The following SIPA1L1 variants were observed in gnomAD, a reference collection of about 807,000 sequenced individuals.
SIPA1L1 encodes signal induced proliferation associated 1 like 1.
SIPA1L1 carries 26 observed loss-of-function variants against 162.7 expected under a neutral mutation model. The ratio of observed to expected loss-of-function variants is 0.16; its 90% CI spans 0.12 to 0.22. The LOEUF (loss-of-function observed/expected upper bound fraction) is 0.22. Among genes scored for constraint, SIPA1L1 ranks in the 10% least tolerant of loss-of-function variants. SIPA1L1 has a pLI of 1.00. For missense variants in SIPA1L1, 1,874 were observed against 2,241.0 expected (o/e 0.84, Z 3.31); for synonymous variants, 829 against 837.4 (o/e 0.99, Z 0.17).
chr14:71,324,308 A>G (rs1237332147), intron 2 of SIPA1L1, among the ~76,000 whole-genome samples: 1 of 152,164 alleles, frequency 6.6e-6, no homozygotes, highest in Non-Finnish European at 1.5e-5. Context: ...AGTTGAAGTG[A>G]TTTGTTGAAG....
intron 5 of SIPA1L1, among the ~76,000 whole-genome samples, chr14:71,601,516 C>T (rs182567168): frequency 5.5e-4 from 84 of 152,208 alleles, no homozygotes; most frequent in African/African-American, 1.8e-3. Flanking sequence ...AACATTTTTG[C>T]ATGTATGTTC....
intron 5 of SIPA1L1, among the ~76,000 whole-genome samples, chr14:71,614,961 TTTTG>T (rs1197077443): frequency 1.3e-5 from 2 of 152,184 alleles, no homozygotes; most frequent in African/African-American, 4.8e-5. Context: ...ATGTTTCTAT[TTTTG>T]TTCTTGAGAT....
intron 2 of SIPA1L1, among the ~76,000 whole-genome samples, chr14:71,357,064 A>G (rs930767705): frequency 1.3e-5 from 2 of 152,112 alleles, no homozygotes; most frequent in Non-Finnish European, 2.9e-5. Flanking sequence ...AAAAAATTTT[A>G]TGTGTTAGAG....
Position 71,705,323 on chromosome 14 carries a change from C to T in SIPA1L1, c.3748C>T (p.Pro1250Ser). The part of the protein sequence containing the change: ...MRQDPVVHLS[P>S]NKQGHSDSHY... ...GCAGGATCCAGTGGTTCATTTGTCT[C>T]CAAACAAACAAGGGCATGTAAGTTA... Residue 1250 changes from proline to serine, a missense_variant, in exon 16 of 24, where the codon CCA becomes TCA. Transcript: ENST00000381232. 6.2e-7 allele frequency: 1 copy of T among 1,613,332 alleles called. No homozygotes were observed. Among genetic ancestry groups the T allele is most frequent in the Non-Finnish European group, 8.5e-7 (1 of 1,179,300 alleles).
intron 4 of SIPA1L1, among the ~76,000 whole-genome samples, chr14:71,582,996 A>G (rs2147364681): frequency 6.6e-6 from 1 of 152,360 alleles, no homozygotes; most frequent in African/African-American, 2.4e-5. Context: ...GAAGGGATGT[A>G]AAGAAAATAG....
At chr14:71,645,009 G>T (rs369461876) in intron 7 of SIPA1L1, among the ~76,000 whole-genome samples, 2 of 152,132 alleles carry the variant, frequency 1.3e-5, no homozygotes, top group African/African-American at 4.8e-5. Flanking sequence ...TTAAATATTG[G>T]TGTCACTGGG....
chr14:71,649,891 C>A (rs1170263141), intron 7 of SIPA1L1, among the ~76,000 whole-genome samples: 1 of 151,934 alleles, frequency 6.6e-6, no homozygotes, highest in East Asian at 1.9e-4. Flanking sequence ...ATTAGTGGAC[C>A]TTTTAGTGCA....
Position 71,377,462 on chromosome 14 carries a change from G to A in SIPA1L1, c.-465+56281G>A, listed in dbSNP as rs952469967. The stretch of plus-strand genomic sequence containing the variant: ...ATGCTCCTCACTTCCCAGACTGGGC[G>A]GCCAGGCAGAGACGCTCCTCACTTC... On this transcript the variant is annotated intron_variant, in intron 2 of 23. Transcript: ENST00000381232. This position sits in a 1 kb window ranked among gnomAD's most constrained non-coding sequence, Gnocchi z 4.8. 3.3e-5 allele frequency among the ~76,000 whole-genome samples: 5 copies of A among 151,432 alleles called. No individual in the cohort carries two copies. The highest frequency in any genetic ancestry group is 7.4e-5 in the Non-Finnish European group (5 of 67,802).
intron 5 of SIPA1L1, among the ~76,000 whole-genome samples, chr14:71,591,609 C>T (rs2035404169): frequency 6.6e-6 from 1 of 152,166 alleles, no homozygotes; most frequent in South Asian, 2.1e-4. Context: ...AAAATATCAA[C>T]TCAAGCAGGG....
intron 4 of SIPA1L1, among the ~76,000 whole-genome samples, chr14:71,567,063 C>A (rs1214721434): frequency 6.6e-6 from 1 of 152,104 alleles, no homozygotes; most frequent in Non-Finnish European, 1.5e-5. Flanking sequence ...TCAGGGAAAG[C>A]CTAATGAAAG....
chr14:71,507,209 G>A (rs1396544752), intron 2 of SIPA1L1, among the ~76,000 whole-genome samples: 3 of 152,038 alleles, frequency 2.0e-5, no homozygotes, highest in African/African-American at 7.2e-5. Context: ...GATCATTTTT[G>A]TTAATATGAC....
intron 3 of SIPA1L1, among the ~76,000 whole-genome samples, chr14:71,525,572 C>T (rs990949127): frequency 1.3e-5 from 2 of 152,154 alleles, no homozygotes; most frequent in East Asian, 1.9e-4. Flanking sequence ...TACAATAGAA[C>T]GTAAATCCTC....
intron 2 of SIPA1L1, among the ~76,000 whole-genome samples, chr14:71,408,682 C>CCTTT (rs1282237670): frequency 6.6e-6 from 1 of 152,152 alleles, no homozygotes; most frequent in African/African-American, 2.4e-5. Flanking sequence ...ACTACACTTG[C>CCTTT]CTTTACTCAA....
At chr14:71,402,748 A>T (rs1381565502) in intron 2 of SIPA1L1, among the ~76,000 whole-genome samples, 1 of 152,212 alleles carries the variant, frequency 6.6e-6, no homozygotes, top group African/African-American at 2.4e-5. Context: ...TGATGTAAAG[A>T]ATATGTGCCT....
chr14:71,578,851 G>C (rs1371934360), intron 4 of SIPA1L1, among the ~76,000 whole-genome samples: 1 of 152,132 alleles, frequency 6.6e-6, no homozygotes, highest in East Asian at 1.9e-4. Context: ...ACTTCATATG[G>C]GTCCCATGGT....
At chr14:71,685,678 G>A in intron 13 of SIPA1L1, 47 bp downstream of exon 13, 1 of 1,604,886 alleles carries the variant, frequency 6.2e-7, no homozygotes, top group Non-Finnish European at 8.5e-7. Flanking sequence ...TGCCCCAAAT[G>A]TAAGTAACAC....
intron 2 of SIPA1L1, among the ~76,000 whole-genome samples, chr14:71,348,478 C>G (rs1422999465): frequency 6.6e-6 from 1 of 152,134 alleles, no homozygotes; most frequent in Non-Finnish European, 1.5e-5. Flanking sequence ...ATATCCAACT[C>G]TTTATACTGT....
intron 12 of SIPA1L1, among the ~76,000 whole-genome samples, chr14:71,676,022 C>T (rs540584370): frequency 4.0e-5 from 6 of 148,418 alleles, no homozygotes; most frequent in East Asian, 2.0e-4. Context: ...TTTGGGAGGC[C>T]GAGGCTGGTG....
chr14:71,725,293 G>C (rs1453911141), intron 19 of SIPA1L1, among the ~76,000 whole-genome samples: 4 of 152,096 alleles, frequency 2.6e-5, no homozygotes, highest in Non-Finnish European at 5.9e-5. Flanking sequence ...GGCCATATAT[G>C]GTATTCTCTT....
Sources: allele counts gnomAD v4.1 joint callset (sites outside exome capture counted in the v4.1 genomes callset), GRCh38; gene constraint gnomAD v4.1.1; non-coding constraint Gnocchi (gnomAD v3.1); transcripts MANE v1.5; gene names NCBI Gene and HGNC (gene_info 2026-07-23, HGNC 2026-07-21).